The following SYT10 variants were observed in gnomAD, a reference collection of about 807,000 sequenced individuals.
The protein encoded by SYT10 is synaptotagmin-10.
A neutral mutation model predicts 51.1 loss-of-function variants in SYT10; 31 were observed. The ratio of observed to expected loss-of-function variants is 0.61; its 90% CI spans 0.46 to 0.82. The LOEUF is 0.82. SYT10 is among the 40% of genes least tolerant of loss of function. The probability of loss-of-function intolerance (pLI) is 0.00; values close to 1 mark genes in which losing one functional copy is unlikely to be tolerated. For synonymous variants in SYT10, 233 were observed against 225.9 expected, an observed-to-expected ratio of 1.03 and a Z score of -0.28; for missense variants, 603 against 634.0, an observed-to-expected ratio of 0.95 and a Z score of 0.53.
Position 33,407,188 on chromosome 12 carries a change from G to A in SYT10, c.678C>T (p.Asn226=), listed in dbSNP as rs375572765. 211 of 1,614,092 alleles carry A rather than the reference G, an allele frequency of 1.3e-4. 1 individual carries two copies. The highest frequency in any genetic ancestry group is 4.9e-4 in the Middle Eastern group (3 of 6,062). Residue 226 remains asparagine, a synonymous_variant, in exon 3 of 7, where the codon AAC becomes AAT. Coordinates refer to ENST00000228567, the MANE Select transcript of SYT10 (RefSeq NM_198992.4). The stretch of plus-strand genomic sequence containing the variant: ...GTTTCCCACAGATTTTGACATCTTC[G>A]TTTTGGTTGCCCTCAGAGTCAACTG... ...QKSVDSEGNQ[N]EDVKICGKLN... is the part of the protein sequence containing the mutation.
intron 2 of SYT10, among the ~76,000 whole-genome samples, chr12:33,421,932 A>G (rs148089906): frequency 1.3e-5 from 2 of 152,240 alleles, no homozygotes; most frequent in South Asian, 2.1e-4. Context: ...CTTTAGGAGG[A>G]TGGTAAAAAG....
chr12:33,425,796 T>A (rs770882936), intron 2 of SYT10, among the ~76,000 whole-genome samples: 1 of 152,278 alleles, frequency 6.6e-6, no homozygotes, highest in Non-Finnish European at 1.5e-5. Context: ...AGACTACAAG[T>A]AGCAGCTATC....
chr12:33,415,703 A>G (rs567271834), intron 2 of SYT10, among the ~76,000 whole-genome samples: 1 of 152,336 alleles, frequency 6.6e-6, no homozygotes, highest in African/African-American at 2.4e-5. Context: ...TTGAATAGCA[A>G]GACGAAATCA....
chr12:33,396,212 A>G (rs1330863095), intron 3 of SYT10, among the ~76,000 whole-genome samples: 1 of 152,184 alleles, frequency 6.6e-6, no homozygotes. Context: ...TCTGAGAACA[A>G]GATCTCAGGT....
intron 3 of SYT10, among the ~76,000 whole-genome samples, chr12:33,400,693 T>C (rs1866295925): frequency 6.6e-6 from 1 of 152,202 alleles, no homozygotes; most frequent in Non-Finnish European, 1.5e-5. Flanking sequence ...CAATGGCTTC[T>C]TGAGTATGCA....
At chr12:33,392,148 C>CT (rs1866213330) in intron 3 of SYT10, among the ~76,000 whole-genome samples, 1 of 152,304 alleles carries the variant, frequency 6.6e-6, no homozygotes, top group East Asian at 1.9e-4. Flanking sequence ...CTATAGAGCT[C>CT]TCTAGTCTTG....
intron 3 of SYT10, among the ~76,000 whole-genome samples, chr12:33,390,931 TG>T (rs201565603): frequency 0.016 from 2,363 of 151,888 alleles, 30 homozygotes; most frequent in African/African-American, 0.038. Flanking sequence ...CGTTTTTTTT[TG>T]TTGTTGTTGT....
chr12:33,416,525 A>T (rs543486025), intron 2 of SYT10, among the ~76,000 whole-genome samples: 1 of 152,312 alleles, frequency 6.6e-6, no homozygotes, highest in Non-Finnish European at 1.5e-5. Context: ...CTTCTGGTTC[A>T]TGAACATTCT....
chr12:33,380,579 A>T (rs900724853), intron 5 of SYT10, among the ~76,000 whole-genome samples: 15 of 152,228 alleles, frequency 9.9e-5, no homozygotes, highest in African/African-American at 3.6e-4. Flanking sequence ...TGATAATAAT[A>T]ACAGTTAATA....
chr12:33,405,428 T>C (rs1866344338), intron 3 of SYT10: 1 of 152,116 alleles, frequency 6.6e-6, no homozygotes, highest in African/African-American at 2.4e-5. Context: ...CCTTCTTTGT[T>C]CCTTAATAGA....
At chr12:33,432,062 T>C (rs1195930104) in intron 1 of SYT10, among the ~76,000 whole-genome samples, 5 of 152,100 alleles carry the variant, frequency 3.3e-5, no homozygotes, top group Non-Finnish European at 7.4e-5. Flanking sequence ...AGTTTTAAAA[T>C]TACTTTAACC....
intron 5 of SYT10, among the ~76,000 whole-genome samples, chr12:33,380,816 G>A (rs1228203951): frequency 6.6e-6 from 1 of 152,146 alleles, no homozygotes; most frequent in Non-Finnish European, 1.5e-5. Flanking sequence ...TGGTTAAGTT[G>A]CTTCTCAAGA....
At chr12:33,412,241 A>G (rs1274872899) in intron 2 of SYT10, among the ~76,000 whole-genome samples, 2 of 152,118 alleles carry the variant, frequency 1.3e-5, no homozygotes, top group Non-Finnish European at 2.9e-5. Context: ...GTCCCTTTAT[A>G]AGAATAAAAA....
chr12:33,382,498 C>T lies in SYT10; in HGVS notation c.1221G>A (p.Leu407=), dbSNP rs1866124617. The change falls in exon 5 of 7, where the codon CTG becomes CTA. Residue 407 remains leucine, a synonymous_variant. Transcript: ENST00000228567. ...TTTTTAATCTTCGACCTTCACACAT[C>T]AGGGACACTTTGACATAAGGATCTA... ...GSSDPYVKVS[L]MCEGRRLKKR... is the part of the protein sequence containing the mutation. 2 of 1,610,172 alleles carry T rather than the reference C, an allele frequency of 1.2e-6. No homozygotes were observed. Among genetic ancestry groups the T allele is most frequent in the African/African-American group, 1.3e-5 (1 of 74,604 alleles).
intron 2 of SYT10, chr12:33,408,192 TATA>T (rs1292604584): frequency 4.6e-5 from 7 of 152,320 alleles, no homozygotes; most frequent in African/African-American, 1.4e-4. Flanking sequence ...CACATTTTCT[TATA>T]ATGAGTTGTT....
chr12:33,385,194 G>A lies in SYT10; in HGVS notation c.1175C>T (p.Ala392Val), dbSNP rs149372161. ...ACCTGATGAGCCAGTAATATCCATC[G>A]CCTTCAGATTTCTGCACTTAATGAC... is the stretch of plus-strand genomic sequence containing the variant. ...LTVIKCRNLK[A>V]MDITGSSDPY... The change falls in exon 4 of 7, where the codon GCG becomes GTG. Residue 392 changes from alanine to valine, a missense_variant. By Grantham distance (64) the Ala-to-Val change is moderately conservative (BLOSUM62 0). Transcript: ENST00000228567. 22 of 1,613,366 alleles carry A rather than the reference G, an allele frequency of 1.4e-5. No individual in the cohort carries two copies. The highest frequency in any genetic ancestry group is 9.9e-5 in the South Asian group (9 of 91,058).
chr12:33,432,529 T>A (rs549022041), intron 1 of SYT10: 1 of 152,176 alleles, frequency 6.6e-6, no homozygotes, highest in Admixed American at 6.5e-5. Flanking sequence ...AATAAAAGCA[T>A]GATGTTAAAA....
chr12:33,380,949 T>C (rs1411871058), intron 5 of SYT10, among the ~76,000 whole-genome samples: 1 of 152,212 alleles, frequency 6.6e-6, no homozygotes, highest in Non-Finnish European at 1.5e-5. Context: ...ATATGTAGTA[T>C]TATTTTCTTT....
chr12:33,397,354 A>G (rs968155862), intron 3 of SYT10, among the ~76,000 whole-genome samples: 1 of 152,130 alleles, frequency 6.6e-6, no homozygotes, highest in African/African-American at 2.4e-5. Context: ...CTAGGACTTA[A>G]ACAGCAAGTG....
Sources: allele counts gnomAD v4.1 joint callset (sites outside exome capture counted in the v4.1 genomes callset), GRCh38; gene constraint gnomAD v4.1.1; transcripts MANE v1.5; gene names NCBI Gene and HGNC (gene_info 2026-07-23, HGNC 2026-07-21).